The following NTRK2 variants were observed in gnomAD, a reference collection of about 807,000 sequenced individuals.
NTRK2 encodes the protein BDNF/NT-3 growth factors receptor.
A neutral mutation model predicts 94.5 loss-of-function variants in NTRK2; 13 were observed. That is an observed-to-expected ratio of 0.14 (90% CI 0.09 to 0.22). The LOEUF is 0.22. Among genes scored for constraint, NTRK2 ranks in the 10% least tolerant of loss-of-function variants. NTRK2 has a pLI of 1.00. For synonymous variants in NTRK2, 372 were observed against 407.4 expected, an observed-to-expected ratio of 0.91 and a Z score of 1.05; for missense variants, 639 against 1,071.2, an observed-to-expected ratio of 0.60 and a Z score of 5.63.
intron 14 of NTRK2, among the ~76,000 whole-genome samples, chr9:84,917,723 T>A (rs777251834): frequency 3.3e-5 from 5 of 152,180 alleles, no homozygotes; most frequent in Non-Finnish European, 7.4e-5. Flanking sequence ...TTATCACATA[T>A]AATGACAATA....
intron 12 of NTRK2, among the ~76,000 whole-genome samples, chr9:84,793,933 G>A (rs2068997612): frequency 6.6e-6 from 1 of 152,214 alleles, no homozygotes; most frequent in Non-Finnish European, 1.5e-5. Context: ...CATATCGAAG[G>A]CAGAACTGGA....
At chr9:84,795,014 C>A (rs1489410636) in intron 12 of NTRK2, among the ~76,000 whole-genome samples, 1 of 152,118 alleles carries the variant, frequency 6.6e-6, no homozygotes. Flanking sequence ...CCCTCCACCC[C>A]CCAAATTAAT....
chr9:84,823,090 AT>A (rs1000540540), intron 12 of NTRK2, among the ~76,000 whole-genome samples: 121 of 145,690 alleles, frequency 8.3e-4, no homozygotes, highest in East Asian at 1.4e-3. Flanking sequence ...TACTACAATC[AT>A]TTTTTTTTTT....
intron 9 of NTRK2, among the ~76,000 whole-genome samples, chr9:84,733,515 G>C (rs983598423): frequency 1.3e-5 from 2 of 152,196 alleles, no homozygotes; most frequent in Non-Finnish European, 2.9e-5. Context: ...AGACAACGTA[G>C]ACCCTACCTC....
In NTRK2 at chr9:84,670,972, G is replaced by C. The variant is rs201579346; in HGVS notation, c.212+12G>C. 19 of 1,601,326 alleles carry C rather than the reference G, an allele frequency of 1.2e-5. No homozygotes were observed. The Admixed American group carries it at 3.0e-4, about 25-fold the overall frequency. The stretch of plus-strand genomic sequence containing the variant: ...AACATCACCGAAATGTGAGTTCCTG[G>C]AGCTTTTCCTCCTTTTTCTCCTTGC... On this transcript the variant is annotated intron_variant, in intron 2 of 18. Coordinates refer to ENST00000277120, the MANE Select transcript of NTRK2 (RefSeq NM_006180.6).
At chr9:84,836,840 A>G (rs928143479) in intron 12 of NTRK2, among the ~76,000 whole-genome samples, 1 of 150,820 alleles carries the variant, frequency 6.6e-6, no homozygotes, top group Non-Finnish European at 1.5e-5. Context: ...CAACAATTCA[A>G]GTCAGATTTT....
intron 13 of NTRK2, among the ~76,000 whole-genome samples, chr9:84,862,874 G>A (rs191529384): frequency 5.3e-5 from 8 of 152,246 alleles, no homozygotes; most frequent in Admixed American, 1.3e-4. Context: ...TAGGGTACAG[G>A]AGCTATCTAG....
chr9:84,786,216 C>G (rs2068093261), intron 12 of NTRK2, among the ~76,000 whole-genome samples: 1 of 152,158 alleles, frequency 6.6e-6, no homozygotes, highest in Non-Finnish European at 1.5e-5. Flanking sequence ...TTAGAATAAC[C>G]ATCACAACAA....
rs549026054 is a variant in NTRK2 at position 84,902,785 on chromosome 9, C to T, written c.1634-31377C>T. Among the ~76,000 whole-genome samples the T allele has an allele frequency of 6.6e-5, 10 of 152,200 alleles. 1 individual carries two copies. The South Asian group carries it at 1.2e-3, about 19-fold the overall frequency. ...CACCCTGGGCTCTGCTGGCAGAGAGCGCTGGTTCAAAACTCATTTCTGCTT... is the reference window on the plus strand; with the variant it reads ...CACCCTGGGCTCTGCTGGCAGAGAGTGCTGGTTCAAAACTCATTTCTGCTT... On this transcript the variant is annotated intron_variant, in intron 14 of 18. Coordinates refer to ENST00000277120, the MANE Select transcript of NTRK2 (RefSeq NM_006180.6).
At chr9:84,965,286 G>A (rs1241546677) in intron 17 of NTRK2, among the ~76,000 whole-genome samples, 1 of 152,216 alleles carries the variant, frequency 6.6e-6, no homozygotes, top group Non-Finnish European at 1.5e-5. Flanking sequence ...AGATAGTTTT[G>A]CAGACATAGT....
chr9:84,811,383 A>T (rs2013566), intron 12 of NTRK2: 1 of 1,065,754 alleles, frequency 9.4e-7, no homozygotes, highest in African/African-American at 1.6e-5. Flanking sequence ...TATAGATTTA[A>T]GTTAGGCATA....
intron 14 of NTRK2, chr9:84,874,556 T>C (rs1311994532): frequency 3.8e-6 from 4 of 1,064,330 alleles, no homozygotes; most frequent in Non-Finnish European, 4.6e-6. Flanking sequence ...GTTTAGTTTT[T>C]CTTGATTGTT....
intron 12 of NTRK2, among the ~76,000 whole-genome samples, chr9:84,761,948 G>A (rs2065610536): frequency 1.3e-5 from 2 of 152,110 alleles, no homozygotes; most frequent in South Asian, 4.1e-4. Context: ...GACCTGATGG[G>A]AGGCAATTGA....
intron 14 of NTRK2, chr9:84,877,540 C>T: frequency 9.4e-7 from 1 of 1,066,682 alleles, no homozygotes; most frequent in Non-Finnish European, 1.1e-6. Flanking sequence ...CCCCCTCCTA[C>T]CAGGGCACTT....
At chr9:85,014,262 G>A (rs1174929968) in intron 17 of NTRK2, among the ~76,000 whole-genome samples, 1 of 152,164 alleles carries the variant, frequency 6.6e-6, no homozygotes, top group Non-Finnish European at 1.5e-5. Context: ...GGGGACACAA[G>A]GAGGATGATA....
At position 84,784,948 on chromosome 9, in the gene NTRK2, T is replaced by C. The variant is rs77279186; in HGVS notation, c.1396+32863T>C. On this transcript the variant is annotated intron_variant, in intron 12 of 18. Transcript: ENST00000277120. ...GTGTTTTTTTCTTCTCGCAATTTAG[T>C]TTCCTTGAGAACTGAACATTTATAA... Among the ~76,000 whole-genome samples, 507 of 152,336 alleles carry C rather than the reference T, an allele frequency of 3.3e-3. 8 individuals carry two copies. In the East Asian group the frequency reaches 0.051, roughly 15 times the overall value.
chr9:84,828,703 A>C (rs2073340472), intron 12 of NTRK2, among the ~76,000 whole-genome samples: 1 of 152,248 alleles, frequency 6.6e-6, no homozygotes, highest in Non-Finnish European at 1.5e-5. Context: ...AAAGGGAAGA[A>C]AGAAAATGTC....
At chr9:84,752,291 C>T (rs1402165012) in intron 12 of NTRK2, among the ~76,000 whole-genome samples, 1 of 152,184 alleles carries the variant, frequency 6.6e-6, no homozygotes, top group African/African-American at 2.4e-5. Flanking sequence ...TCCATGAGAA[C>T]AGTTGTCCCG....
chr9:84,750,661 G>T (rs1458578986), intron 11 of NTRK2, among the ~76,000 whole-genome samples: 1 of 152,174 alleles, frequency 6.6e-6, no homozygotes, highest in Non-Finnish European at 1.5e-5. Context: ...GGCAGAGCTG[G>T]ATCCTTAGTT....
Sources: gnomAD v4.1 joint callset for allele counts (sites outside exome capture counted in the v4.1 genomes callset) on GRCh38, gnomAD v4.1.1 for gene constraint, MANE v1.5 for transcripts, NCBI Gene and HGNC (gene_info 2026-07-23, HGNC 2026-07-21) for gene names.